Variants in ATXN8OS observed in about 807,000 individuals in gnomAD.
ATXN8OS encodes ATXN8 opposite strand (non-protein coding).
intron 4 of ATXN8OS, among the ~76,000 whole-genome samples, chr13:70,155,871 T>A (rs995761160): frequency 1.3e-5 from 2 of 151,746 alleles, no homozygotes; most frequent in Non-Finnish European, 2.9e-5. Context: ...GAAAAAAAAG[T>A]ATGTTTTATT....
intron 1 of ATXN8OS, among the ~76,000 whole-genome samples, chr13:70,112,014 CAG>C: frequency 6.6e-6 from 1 of 152,212 alleles, no homozygotes; most frequent in African/African-American, 2.4e-5. Context: ...CACAGTTCTG[CAG>C]AGTGTACAGC....
intron 3 of ATXN8OS, among the ~76,000 whole-genome samples, chr13:70,133,285 T>C (rs1464129239): frequency 6.6e-6 from 1 of 152,162 alleles, no homozygotes; most frequent in Non-Finnish European, 1.5e-5. Context: ...CCAGATGTGA[T>C]GGTGTGCGCC....
chr13:70,116,797 G>A (rs930392130), intron 2 of ATXN8OS, among the ~76,000 whole-genome samples: 1 of 152,162 alleles, frequency 6.6e-6, no homozygotes, highest in African/African-American at 2.4e-5. Flanking sequence ...AAGAGATGAT[G>A]TAAATGTGGA....
intron 2 of ATXN8OS, among the ~76,000 whole-genome samples, chr13:70,128,925 A>G (rs1888484853): frequency 1.3e-5 from 2 of 151,712 alleles, no homozygotes; most frequent in Non-Finnish European, 2.9e-5. Context: ...CAGTGGCGCA[A>G]TCCCAGCTCA....
intron 1 of ATXN8OS, among the ~76,000 whole-genome samples, chr13:70,114,827 T>C (rs766319429): frequency 2.0e-5 from 3 of 152,158 alleles, no homozygotes; most frequent in Admixed American, 6.5e-5. Flanking sequence ...TGGCCACTAA[T>C]ATTTTCTTAT....
intron 3 of ATXN8OS, among the ~76,000 whole-genome samples, chr13:70,141,250 C>T (rs1381500027): frequency 6.6e-6 from 1 of 152,122 alleles, no homozygotes; most frequent in African/African-American, 2.4e-5. Flanking sequence ...TATTTTACTG[C>T]TATCTCCTGG....
chr13:70,169,571 G>A (rs531421243), intron 4 of ATXN8OS, among the ~76,000 whole-genome samples: 19 of 152,168 alleles, frequency 1.2e-4, no homozygotes, highest in African/African-American at 4.6e-4. Context: ...GTGATTACAG[G>A]GGTGAGCCAC....
Position 70,167,640 on chromosome 13 carries a change from C to T in ATXN8OS, n.574-2113C>T, listed in dbSNP as rs543099056. ...CTAACCTGCACGTTGTGCACATGTA[C>T]CCTAAAACTTAAAGTATAATAATAA... is the stretch of plus-strand genomic sequence containing the variant. On this transcript the variant is annotated intron_variant and non_coding_transcript_variant, in intron 4 of 4. Coordinates refer to ENST00000678624, the Ensembl canonical transcript of ATXN8OS. Among the ~76,000 whole-genome samples, 60 of 107,758 alleles carry T rather than the reference C, an allele frequency of 5.6e-4. 1 individual carries two copies. The highest frequency in any genetic ancestry group is 1.4e-3 in the African/African-American group (55 of 38,142). The allele number at this position is 107,758 out of a possible 152,430, so 70.7% of individuals were successfully genotyped here.
intron 4 of ATXN8OS, among the ~76,000 whole-genome samples, chr13:70,165,726 GA>G (rs769607096): frequency 2.0e-5 from 3 of 152,004 alleles, no homozygotes; most frequent in South Asian, 4.1e-4. Flanking sequence ...AAGAATTTAA[GA>G]AAATTTACAT....
chr13:70,142,029 A>C (rs1280122299), intron 3 of ATXN8OS, among the ~76,000 whole-genome samples: 1 of 152,082 alleles, frequency 6.6e-6, no homozygotes, highest in Non-Finnish European at 1.5e-5. Flanking sequence ...GAGGACAGGC[A>C]CACACCACCA....
chr13:70,170,305 AAACCTT>A (rs1889130183), exon 5 of ATXN8OS, among the ~76,000 whole-genome samples: 4 of 152,108 alleles, frequency 2.6e-5, no homozygotes, highest in Admixed American at 1.3e-4. Flanking sequence ...AGTGTCTTCA[AAACCTT>A]AATGGTTTAA....
intron 2 of ATXN8OS, chr13:70,129,681 A>G (rs569512672): frequency 3.3e-5 from 13 of 396,994 alleles, no homozygotes; most frequent in East Asian, 2.1e-4. Context: ...AAATGTTCTT[A>G]TAAGTAGAAT....
chr13:70,171,512 A>C (rs1889144213), exon 5 of ATXN8OS, among the ~76,000 whole-genome samples: 1 of 152,120 alleles, frequency 6.6e-6, no homozygotes, highest in African/African-American at 2.4e-5. Flanking sequence ...TGTTTATGTC[A>C]GCATCACCAC....
At chr13:70,169,647 T>C (rs1889121537) in intron 4 of ATXN8OS, among the ~76,000 whole-genome samples, 1 of 151,750 alleles carries the variant, frequency 6.6e-6, no homozygotes. Context: ...ATGATCTGTT[T>C]AAAGCTCTCT....
intron 4 of ATXN8OS, among the ~76,000 whole-genome samples, chr13:70,153,497 C>T (rs948803601): frequency 2.6e-5 from 4 of 152,136 alleles, no homozygotes; most frequent in Admixed American, 2.6e-4. Context: ...ATCGCATGAA[C>T]CCGGGAGATG....
At chr13:70,128,798 T>C (rs377693023) in intron 2 of ATXN8OS, among the ~76,000 whole-genome samples, 5 of 152,066 alleles carry the variant, frequency 3.3e-5, no homozygotes, top group South Asian at 2.1e-4. Flanking sequence ...CTTATGTGTA[T>C]GAAATATGGC....
intron 4 of ATXN8OS, among the ~76,000 whole-genome samples, chr13:70,152,355 G>C (rs1259974602): frequency 6.6e-6 from 1 of 151,568 alleles, no homozygotes; most frequent in Non-Finnish European, 1.5e-5. Context: ...ACCTGTGTGT[G>C]TGTGTATATA....
At chr13:70,137,322 T>C (rs1278414994) in intron 3 of ATXN8OS, among the ~76,000 whole-genome samples, 3 of 152,168 alleles carry the variant, frequency 2.0e-5, no homozygotes, top group Non-Finnish European at 4.4e-5. Context: ...ATGGCTAGAT[T>C]TTGTAGCAAA....
intron 3 of ATXN8OS, among the ~76,000 whole-genome samples, chr13:70,136,425 T>C (rs985444160): frequency 2.0e-5 from 3 of 151,820 alleles, no homozygotes; most frequent in African/African-American, 7.2e-5. Context: ...AATTGTATCC[T>C]ACTTTTTTGC....
Sources: allele counts gnomAD v4.1 joint callset (sites outside exome capture counted in the v4.1 genomes callset), GRCh38; gene constraint gnomAD v4.1.1; transcripts MANE v1.5; gene names NCBI Gene and HGNC (gene_info 2026-07-23, HGNC 2026-07-21).